Variants in SDK1 observed in about 807,000 individuals in gnomAD.
The protein encoded by SDK1 is protein sidekick-1.
SDK1 carries 157 observed loss-of-function variants against 245.5 expected under a neutral mutation model. The observed-to-expected ratio is 0.64, with a 90% CI of 0.56 to 0.73. The LOEUF is 0.73. SDK1 is among the 30% of genes least tolerant of loss of function. SDK1 has a pLI of 0.00. For synonymous variants in SDK1, 1,647 were observed against 1,278.5 expected (o/e 1.29, Z -6.15); for missense variants, 3,583 against 3,002.3 (o/e 1.19, Z -4.52).
chr7:3,674,490 T>C (rs901847015), intron 4 of SDK1, among the ~76,000 whole-genome samples: 7 of 152,126 alleles, frequency 4.6e-5, no homozygotes, highest in Non-Finnish European at 8.8e-5. Context: ...GGCTGGTCTT[T>C]GAGTCACAGA....
At chr7:3,735,013 C>A (rs16870929) in intron 4 of SDK1, among the ~76,000 whole-genome samples, 1 of 152,050 alleles carries the variant, frequency 6.6e-6, no homozygotes, top group African/African-American at 2.4e-5. Context: ...CAGTTAAGAC[C>A]TCTGTAATTA....
intron 1 of SDK1, among the ~76,000 whole-genome samples, chr7:3,322,252 T>C (rs971164552): frequency 6.6e-6 from 1 of 152,186 alleles, no homozygotes; most frequent in Non-Finnish European, 1.5e-5. Context: ...TAAGACTTTG[T>C]GTCTGGCTGC....
intron 5 of SDK1, among the ~76,000 whole-genome samples, chr7:3,824,590 G>C (rs919062247): frequency 6.6e-6 from 1 of 152,092 alleles, no homozygotes; most frequent in African/African-American, 2.4e-5. Flanking sequence ...CGGCAACCAG[G>C]TCTAGCCCTG....
chr7:3,969,890 A>G (rs140665843), intron 11 of SDK1, among the ~76,000 whole-genome samples: 34 of 152,336 alleles, frequency 2.2e-4, no homozygotes, highest in African/African-American at 7.9e-4. Context: ...CGCTTTTGCT[A>G]AACAATTGTT....
In SDK1 at chr7:3,545,812, G is replaced by A. The variant is rs143622743; in HGVS notation, c.299-73268G>A. Among the ~76,000 whole-genome samples the A allele has an allele frequency of 8.1e-3, 1,238 of 152,280 alleles. 11 individuals are homozygous for A. The highest frequency in any genetic ancestry group is 0.012 in the Non-Finnish European group (811 of 68,026). On this transcript the variant is annotated intron_variant, in intron 1 of 44. Transcript: ENST00000404826. Reference sequence around the variant, plus strand: ...TGTCAAGCGAAAGGGTAATCAAATAGTACTTTGAAATCTGAAAAGTGAAAA... The same window carrying A: ...TGTCAAGCGAAAGGGTAATCAAATAATACTTTGAAATCTGAAAAGTGAAAA...
At chr7:3,524,113 G>A (rs1783036614) in intron 1 of SDK1, among the ~76,000 whole-genome samples, 1 of 152,202 alleles carries the variant, frequency 6.6e-6, no homozygotes, top group East Asian at 1.9e-4. Flanking sequence ...CCTGCAGGAA[G>A]GAAGGGAGTT....
chr7:4,245,979 C>G (rs144579299), intron 44 of SDK1, among the ~76,000 whole-genome samples, 174 bp downstream of exon 44: 136 of 152,310 alleles, frequency 8.9e-4, no homozygotes, highest in African/African-American at 3.1e-3. Flanking sequence ...TTCAACCCCA[C>G]GGCCTGCTCT....
intron 1 of SDK1, among the ~76,000 whole-genome samples, chr7:3,564,189 A>C (rs1779835051): frequency 6.6e-6 from 1 of 152,184 alleles, no homozygotes; most frequent in African/African-American, 2.4e-5. Context: ...ACAAGATAGA[A>C]AAATAAAGGT....
intron 5 of SDK1, among the ~76,000 whole-genome samples, chr7:3,923,906 G>T (rs941778215): frequency 6.6e-6 from 1 of 152,142 alleles, no homozygotes; most frequent in African/African-American, 2.4e-5. Flanking sequence ...TTCAGGTTGG[G>T]CAGCCTCTCC....
At chr7:3,699,795 A>G (rs1784688651) in intron 4 of SDK1, among the ~76,000 whole-genome samples, 1 of 152,220 alleles carries the variant, frequency 6.6e-6, no homozygotes, top group Non-Finnish European at 1.5e-5. Flanking sequence ...AATTGTTCAA[A>G]GAAATAATGG....
intron 5 of SDK1, among the ~76,000 whole-genome samples, chr7:3,908,650 A>G (rs1176721206): frequency 6.6e-6 from 1 of 152,036 alleles, no homozygotes; most frequent in Non-Finnish European, 1.5e-5. Flanking sequence ...ACCTAAGCCT[A>G]TCCTGATAAT....
intron 22 of SDK1, among the ~76,000 whole-genome samples, chr7:4,108,089 A>T (rs1458166206): frequency 6.6e-6 from 1 of 152,114 alleles, no homozygotes; most frequent in Non-Finnish European, 1.5e-5. Flanking sequence ...AACCTGAGTG[A>T]GCTCCTCTGA....
intron 1 of SDK1, among the ~76,000 whole-genome samples, chr7:3,458,143 A>G (rs944047239): frequency 1.5e-5 from 2 of 135,566 alleles, no homozygotes; most frequent in Admixed American, 1.4e-4. Flanking sequence ...GAAATTTTGC[A>G]TTGATATTCG....
chr7:3,713,130 A>G (rs971854968), intron 4 of SDK1, among the ~76,000 whole-genome samples: 5 of 152,236 alleles, frequency 3.3e-5, no homozygotes, highest in African/African-American at 9.6e-5. Context: ...TGAAGGCACC[A>G]GGAACCCTCT....
intron 4 of SDK1, among the ~76,000 whole-genome samples, chr7:3,718,460 T>A (rs1477382994): frequency 1.3e-5 from 2 of 151,512 alleles, no homozygotes; most frequent in Admixed American, 1.3e-4. Flanking sequence ...AGGTTGAGGC[T>A]GCAGTGAGCC....
intron 25 of SDK1, among the ~76,000 whole-genome samples, chr7:4,124,374 G>T (rs1213969656): frequency 6.6e-6 from 1 of 152,168 alleles, no homozygotes; most frequent in Non-Finnish European, 1.5e-5. Flanking sequence ...TCCAGCATCT[G>T]GTGGTTCCGT....
chr7:4,246,557 C>A (rs1786873685), intron 44 of SDK1, among the ~76,000 whole-genome samples: 1 of 152,134 alleles, frequency 6.6e-6, no homozygotes, highest in Non-Finnish European at 1.5e-5. Flanking sequence ...TCCTGCTCAC[C>A]CCTGGACATT....
At chr7:3,343,538 C>G (rs1780410347) in intron 1 of SDK1, among the ~76,000 whole-genome samples, 1 of 151,992 alleles carries the variant, frequency 6.6e-6, no homozygotes, top group Non-Finnish European at 1.5e-5. Context: ...GAAAGAGTGA[C>G]ATGTGGGATC....
chr7:4,085,234 C>G (rs1156430048), intron 22 of SDK1, among the ~76,000 whole-genome samples: 1 of 152,144 alleles, frequency 6.6e-6, no homozygotes, highest in Non-Finnish European at 1.5e-5. Flanking sequence ...AACACAAATA[C>G]TATTAGGAGT....
Sources: gnomAD v4.1 joint callset for allele counts (sites outside exome capture counted in the v4.1 genomes callset) on GRCh38, gnomAD v4.1.1 for gene constraint, MANE v1.5 for transcripts, NCBI Gene and HGNC (gene_info 2026-07-23, HGNC 2026-07-21) for gene names.